Variants in CYP26B1 observed in about 807,000 individuals in gnomAD.
CYP26B1 encodes cytochrome P450 family 26 subfamily B member 1.
Under a neutral mutation model 39.1 loss-of-function variants are expected in CYP26B1, and 8 were observed. The observed-to-expected ratio is 0.20, with a 90% CI of 0.12 to 0.37. The LOEUF is 0.37. CYP26B1 is among the 10% of genes least tolerant of loss of function. The pLI is 1.00. For synonymous variants in CYP26B1, 321 were observed against 314.3 expected, an observed-to-expected ratio of 1.02 and a Z score of -0.23; for missense variants, 615 against 707.0, an observed-to-expected ratio of 0.87 and a Z score of 1.48.
At chr2:72,137,335 C>T (rs1374772317) in intron 2 of CYP26B1, among the ~76,000 whole-genome samples, 3 of 152,212 alleles carry the variant, frequency 2.0e-5, no homozygotes, top group Non-Finnish European at 4.4e-5. Context: ...ATCTGCTCCC[C>T]CAAGCCTCAG....
intron 4 of CYP26B1, 96 bp from the exon 5 acceptor site, chr2:72,133,403 G>T: frequency 6.8e-7 from 1 of 1,472,114 alleles, no homozygotes; most frequent in Non-Finnish European, 9.2e-7. Flanking sequence ...CAGGTCATCT[G>T]TGCTGGGCCC....
In CYP26B1 at chr2:72,135,211, A is replaced by G; in HGVS notation, c.638T>C (p.Val213Ala). ...GACATTGTCCACAAACTGCTGGTAG[A>G]CCTCAAAGAGGTGCCCAAGGTCCTC... ...PEEDLGHLFEVYQQFVDNVFS... is the reference protein window; with the variant it reads ...PEEDLGHLFEAYQQFVDNVFS... The change falls in exon 3 of 6, where the codon GTC becomes GCC. Residue 213 changes from valine (V) to alanine (A), a missense_variant. Coordinates refer to ENST00000001146, the MANE Select transcript of CYP26B1 (RefSeq NM_019885.4). 1 of 1,614,042 alleles carries G rather than the reference A, an allele frequency of 6.2e-7. No individual in the cohort carries two copies. The highest frequency in any genetic ancestry group is 8.5e-7 in the Non-Finnish European group (1 of 1,180,016).
chr2:72,142,016 G>A (rs1409971382), intron 2 of CYP26B1, among the ~76,000 whole-genome samples: 8 of 152,104 alleles, frequency 5.3e-5, no homozygotes, highest in Non-Finnish European at 7.4e-5. Context: ...TAAAAGACCG[G>A]CTGTTCTGAA....
chr2:72,134,536 G>A (rs1345750402), intron 4 of CYP26B1, among the ~76,000 whole-genome samples: 4 of 152,138 alleles, frequency 2.6e-5, no homozygotes, highest in Non-Finnish European at 5.9e-5. Flanking sequence ...TGAGCTCCCT[G>A]CAGGCCATGG....
chr2:72,131,182 G>C lies in CYP26B1; in HGVS notation c.*1045C>G, dbSNP rs1676561931. 6.6e-6 allele frequency: 1 copy of C among 152,620 alleles called. No homozygotes were observed. Among genetic ancestry groups the C allele is most frequent in the Non-Finnish European group, 1.5e-5 (1 of 68,086 alleles). The allele number at this position is 152,620 out of a possible 1,614,324, so 9.5% of individuals were successfully genotyped here. ...TACCTGATCAGGGTTTTTGACAGGAGAGGGAGGAGGCAATGGGCCACATTC... is the reference window on the plus strand; with the variant it reads ...TACCTGATCAGGGTTTTTGACAGGACAGGGAGGAGGCAATGGGCCACATTC... On this transcript the variant is annotated 3_prime_UTR_variant, in exon 6 of 6. Transcript: ENST00000001146.
intron 2 of CYP26B1, among the ~76,000 whole-genome samples, chr2:72,136,187 A>T (rs925405110): frequency 6.6e-6 from 1 of 152,110 alleles, no homozygotes; most frequent in African/African-American, 2.4e-5. Context: ...TCTCGCTCAT[A>T]AGCAGCAACG....
At chr2:72,136,978 AG>A (rs1676796962) in intron 2 of CYP26B1, among the ~76,000 whole-genome samples, 2 of 152,316 alleles carry the variant, frequency 1.3e-5, no homozygotes, top group East Asian at 3.9e-4. Flanking sequence ...GAAACAAGAC[AG>A]GGGCAGGAAA....
rs1472242925 is a variant in CYP26B1, at chr2:72,147,579, C to T, written c.204+52G>A. Reference sequence around the variant, plus strand: ...GGCCGGCCCGCCGCTCCGTCTGCCCCGCGCTCGCAGCTAGCGGACCCCGGA... The same window carrying T: ...GGCCGGCCCGCCGCTCCGTCTGCCCTGCGCTCGCAGCTAGCGGACCCCGGA... On this transcript the variant is annotated intron_variant, in intron 1 of 5. Transcript: ENST00000001146. This position sits in a 1 kb window ranked among gnomAD's most constrained non-coding sequence, Gnocchi z 6.1. 2 of 1,541,422 alleles carry T rather than the reference C, an allele frequency of 1.3e-6. No homozygotes were observed. The highest frequency in any genetic ancestry group is 1.7e-6 in the Non-Finnish European group (2 of 1,146,216).
At position 72,147,841 on chromosome 2, in the gene CYP26B1, G is replaced by T; in HGVS notation, c.-7C>A. 1.3e-6 allele frequency: 2 copies of T among 1,517,420 alleles called. No homozygotes were observed. The highest frequency in any genetic ancestry group is 1.8e-6 in the Non-Finnish European group (2 of 1,130,062). 94.0% of individuals were successfully genotyped at this position (1,517,420 alleles called of 1,614,324 possible). ...CCAAGCCCTCAAAGAGCATGTTGGC[G>T]GCCGCTCGGGGGATTGGCTGTGCCG... is the stretch of plus-strand genomic sequence containing the variant. On this transcript the variant is annotated 5_prime_UTR_variant, in exon 1 of 6. Transcript: ENST00000001146. The surrounding 1 kb of genome is among the most constrained non-coding windows in gnomAD (Gnocchi z 6.1).
At chr2:72,134,532 C>A (rs923082933) in intron 4 of CYP26B1, among the ~76,000 whole-genome samples, 1 of 152,134 alleles carries the variant, frequency 6.6e-6, no homozygotes, top group Admixed American at 6.5e-5. Context: ...GGCCTGAGCT[C>A]CCTGCAGGCC....
chr2:72,140,693 C>A (rs955603684), intron 2 of CYP26B1, among the ~76,000 whole-genome samples: 3 of 152,266 alleles, frequency 2.0e-5, no homozygotes, highest in African/African-American at 7.2e-5. Context: ...TCCATCCCAA[C>A]ACAGACCCCA....
chr2:72,140,070 C>T (rs1223411697), intron 2 of CYP26B1, among the ~76,000 whole-genome samples: 2 of 152,204 alleles, frequency 1.3e-5, no homozygotes, highest in African/African-American at 4.8e-5. Context: ...GGGCAGACCC[C>T]ACCGAGCCTT....
At chr2:72,138,375 G>A (rs1376869409) in intron 2 of CYP26B1, among the ~76,000 whole-genome samples, 1 of 152,152 alleles carries the variant, frequency 6.6e-6, no homozygotes, top group Non-Finnish European at 1.5e-5. Flanking sequence ...GGCGGCGTCA[G>A]GGCGGGCTGG....
At chr2:72,134,427 G>A (rs1676695403) in intron 4 of CYP26B1, among the ~76,000 whole-genome samples, 1 of 152,182 alleles carries the variant, frequency 6.6e-6, no homozygotes, top group Non-Finnish European at 1.5e-5. Context: ...GGCTGAGGCT[G>A]GTGACAAGCA....
At chr2:72,139,235 C>T (rs1676868658) in intron 2 of CYP26B1, among the ~76,000 whole-genome samples, 1 of 152,150 alleles carries the variant, frequency 6.6e-6, no homozygotes, top group Non-Finnish European at 1.5e-5. Context: ...ACCGGAGCCT[C>T]GGCCTGCAGA....
chr2:72,139,828 C>A (rs986398634), intron 2 of CYP26B1, among the ~76,000 whole-genome samples: 1 of 152,226 alleles, frequency 6.6e-6, no homozygotes, highest in Non-Finnish European at 1.5e-5. Flanking sequence ...CCCTGCCTCC[C>A]ACCACCCCAG....
Position 72,147,754 on chromosome 2 carries a change from G to A in CYP26B1, c.81C>T (p.Ala27=), listed in dbSNP as rs756989083. ...GCAGCTGCCACAGCTGCTGCGACAC[G>A]GCCAGCAGCAGCGTCACGGACACCA... ...ACLVSVTLLL[A]VSQQLWQLRW... Residue 27 remains alanine, a synonymous_variant, in exon 1 of 6, where the codon GCC becomes GCT. Transcript: ENST00000001146. The surrounding 1 kb of genome is among the most constrained non-coding windows in gnomAD (Gnocchi z 6.1). The A allele has an allele frequency of 2.5e-6, 4 of 1,587,452 alleles. No homozygotes were observed. The highest frequency in any genetic ancestry group is 2.7e-5 in the African/African-American group (2 of 74,036).
chr2:72,145,378 C>G (rs1677093650), intron 1 of CYP26B1, among the ~76,000 whole-genome samples: 1 of 152,218 alleles, frequency 6.6e-6, no homozygotes, highest in Non-Finnish European at 1.5e-5. Context: ...CGGCGCGCGA[C>G]GGGGAACGAG....
intron 2 of CYP26B1, among the ~76,000 whole-genome samples, chr2:72,138,994 T>C (rs1353936967): frequency 1.3e-5 from 2 of 152,312 alleles, no homozygotes; most frequent in African/African-American, 4.8e-5. Flanking sequence ...CCCCGTGCCC[T>C]GGGAGGGGAG....
Sources: allele counts gnomAD v4.1 joint callset (sites outside exome capture counted in the v4.1 genomes callset), GRCh38; gene constraint gnomAD v4.1.1; non-coding constraint Gnocchi (gnomAD v3.1); transcripts MANE v1.5; gene names NCBI Gene and HGNC (gene_info 2026-07-23, HGNC 2026-07-21).